The following LTBP1 variants were observed in gnomAD, a reference collection of about 807,000 sequenced individuals.
The protein encoded by LTBP1 is latent-transforming growth factor beta-binding protein 1.
Under a neutral mutation model 207.6 loss-of-function variants are expected in LTBP1, and 129 were observed. That is an observed-to-expected ratio of 0.62 (90% CI 0.54 to 0.72). LTBP1 has a LOEUF of 0.72. Among genes scored for constraint, LTBP1 ranks in the 30% least tolerant of loss-of-function variants. The pLI is 0.00. For synonymous variants in LTBP1, 963 were observed against 833.7 expected (o/e 1.16, Z -2.67); for missense variants, 2,281 against 2,217.2 (o/e 1.03, Z -0.58).
intron 2 of LTBP1, among the ~76,000 whole-genome samples, chr2:33,006,103 C>G (rs1335292731): frequency 6.6e-6 from 1 of 151,894 alleles, no homozygotes; most frequent in East Asian, 1.9e-4. Flanking sequence ...AAAATCAGTA[C>G]TAGGAATACA....
intron 2 of LTBP1, among the ~76,000 whole-genome samples, chr2:33,018,882 T>C (rs750333153): frequency 1.5e-4 from 23 of 152,178 alleles, no homozygotes; most frequent in Non-Finnish European, 2.5e-4. Context: ...TTTTTTTCTT[T>C]TAGAGAATCC....
intron 2 of LTBP1, among the ~76,000 whole-genome samples, chr2:32,975,583 GTTTTTTTTTTTTTTTTTTTTTTTTT>G (rs779168923): frequency 3.2e-4 from 10 of 31,360 alleles, no homozygotes; most frequent in Admixed American, 1.6e-3. Flanking sequence ...TTCATTCTTT[GTTTTTTTTTTTTTTTTTTTTTTTTT>G]TTTTTTTTTT....
In LTBP1 at chr2:33,397,296, G is replaced by A. The variant is rs2095367471; in HGVS notation, c.4984+14G>A. ...TGACCTGTGTCGGTAAGAATGACGT[G>A]TGTTTTATGGGACATTAATTTTTTC... is the stretch of plus-strand genomic sequence containing the variant. On this transcript the variant is annotated intron_variant, in intron 33 of 33. Transcript: ENST00000404816. 6.2e-7 allele frequency: 1 copy of A among 1,613,734 alleles called. No homozygotes were observed. Among genetic ancestry groups the A allele is most frequent in the Non-Finnish European group, 8.5e-7 (1 of 1,179,740 alleles).
intron 2 of LTBP1, among the ~76,000 whole-genome samples, chr2:32,955,041 G>GATT (rs1677858645): frequency 6.6e-6 from 1 of 152,186 alleles, no homozygotes; most frequent in Non-Finnish European, 1.5e-5. Flanking sequence ...TTAAAATGTT[G>GATT]AAAGTTGTTA....
intron 19 of LTBP1, among the ~76,000 whole-genome samples, chr2:33,289,689 C>T (rs563878331): frequency 1.3e-5 from 2 of 152,290 alleles, no homozygotes; most frequent in South Asian, 4.1e-4. Flanking sequence ...TTTATCAACA[C>T]TGTTTTTTAT....
At chr2:32,985,598 T>A (rs755609812) in intron 2 of LTBP1, among the ~76,000 whole-genome samples, 2 of 152,150 alleles carry the variant, frequency 1.3e-5, no homozygotes, top group Non-Finnish European at 2.9e-5. Flanking sequence ...TACAGATGAA[T>A]CAAATGCAGT....
rs113173832 is a variant in LTBP1, at chr2:33,361,534, C to G, written c.4270+19C>G. The G allele has an allele frequency of 4.2e-5, 66 of 1,570,012 alleles. 4 individuals carry two copies. In the African/African-American group the frequency reaches 4.6e-4, roughly 11 times the overall value. ...TATAAAGGTCAGAATCAAGTGGAAACAAATTTTCAGCACATTGTGTACATG... is the reference window on the plus strand; with the variant it reads ...TATAAAGGTCAGAATCAAGTGGAAAGAAATTTTCAGCACATTGTGTACATG... On this transcript the variant is annotated intron_variant, in intron 28 of 33. Coordinates refer to ENST00000404816, the MANE Select transcript of LTBP1 (RefSeq NM_206943.4).
chr2:33,117,631 C>A (rs2080826520), intron 4 of LTBP1, among the ~76,000 whole-genome samples: 1 of 152,180 alleles, frequency 6.6e-6, no homozygotes, highest in African/African-American at 2.4e-5. Flanking sequence ...CCAGCCACTT[C>A]AGGGAGGTGG....
At chr2:33,209,479 C>G (rs769523094) in intron 7 of LTBP1, among the ~76,000 whole-genome samples, 4 of 152,126 alleles carry the variant, frequency 2.6e-5, no homozygotes, top group Non-Finnish European at 5.9e-5. Flanking sequence ...TCAATATTTA[C>G]AAGTTGAATT....
At chr2:33,255,495 T>G (rs892954770) in intron 11 of LTBP1, among the ~76,000 whole-genome samples, 3 of 152,180 alleles carry the variant, frequency 2.0e-5, no homozygotes, top group African/African-American at 7.2e-5. Flanking sequence ...TATACCCAAA[T>G]GACTATAAAT....
chr2:33,008,330 A>T (rs903664890), intron 2 of LTBP1, among the ~76,000 whole-genome samples: 3 of 152,264 alleles, frequency 2.0e-5, no homozygotes, highest in African/African-American at 7.2e-5. Flanking sequence ...TCTGTCTCAC[A>T]TATTGTTTAG....
intron 5 of LTBP1, among the ~76,000 whole-genome samples, chr2:33,159,972 C>A (rs2084316855): frequency 6.6e-6 from 1 of 152,026 alleles, no homozygotes; most frequent in Non-Finnish European, 1.5e-5. Flanking sequence ...ACCTCTGCCT[C>A]CCGGGCTCAA....
chr2:33,269,131 A>G (rs2093257446), intron 15 of LTBP1, among the ~76,000 whole-genome samples: 1 of 152,264 alleles, frequency 6.6e-6, no homozygotes, highest in East Asian at 1.9e-4. Context: ...TCATTCATTC[A>G]TTCAGGGAAT....
chr2:33,382,784 T>C (rs1331531255), intron 31 of LTBP1, among the ~76,000 whole-genome samples: 1 of 152,206 alleles, frequency 6.6e-6, no homozygotes. Flanking sequence ...AGTCTTTGGA[T>C]TCCAGGTGTT....
chr2:33,153,437 A>G (rs1231358911), intron 5 of LTBP1, among the ~76,000 whole-genome samples: 1 of 152,196 alleles, frequency 6.6e-6, no homozygotes, highest in Non-Finnish European at 1.5e-5. Flanking sequence ...GGTTGGGCCA[A>G]TAAGGCTGCA....
At chr2:33,230,864 A>T (rs1012734662) in intron 9 of LTBP1, among the ~76,000 whole-genome samples, 1 of 152,236 alleles carries the variant, frequency 6.6e-6, no homozygotes, top group Non-Finnish European at 1.5e-5. Flanking sequence ...GATAAAATCA[A>T]CTTAGTATTA....
At chr2:32,975,583 GTTTTTTTTTTTTTTTTTTTTTTTTTT>G (rs779168923) in intron 2 of LTBP1, among the ~76,000 whole-genome samples, 18 of 31,360 alleles carry the variant, frequency 5.7e-4, no homozygotes, top group African/African-American at 1.9e-3. Flanking sequence ...TTCATTCTTT[GTTTTTTTTTTTTTTTTTTTTTTTTTT>G]TTTTTTTTTT....
Position 33,280,119 on chromosome 2 carries a change from T to A in LTBP1, c.3073T>A (p.Cys1025Ser). The A allele has an allele frequency of 6.2e-7, 1 of 1,614,112 alleles. No homozygotes were observed. The highest frequency in any genetic ancestry group is 1.7e-5 in the Admixed American group (1 of 60,026). Reference protein sequence around the residue: ...NSPGSYQCVPCTEGFRGWNGQ... With the variant: ...NSPGSYQCVPSTEGFRGWNGQ... The stretch of plus-strand genomic sequence containing the variant: ...TCCTGGATCTTACCAGTGCGTTCCC[T>A]GCACAGAAGGATTCCGAGGCTGGAA... The change falls in exon 19 of 34, where the codon TGC becomes AGC. Residue 1025 changes from cysteine to serine, a missense_variant. Cys to Ser is a moderately radical substitution (Grantham distance 112, BLOSUM62 -1). Transcript: ENST00000404816.
In LTBP1 at chr2:32,947,540, C is replaced by G; in HGVS notation, c.216C>G (p.Pro72=). 7.2e-7 allele frequency: 1 copy of G among 1,387,746 alleles called. No homozygotes were observed. Among genetic ancestry groups the G allele is most frequent in the Non-Finnish European group, 9.3e-7 (1 of 1,072,988 alleles). The allele number at this position is 1,387,746 out of a possible 1,614,324, so 86.0% of individuals were successfully genotyped here. A position where few individuals can be genotyped will look rare whatever the true frequency, so the allele number is the denominator to read the frequency against. Residue 72 remains proline, a synonymous_variant, in exon 1 of 34, where the codon CCC becomes CCG. Coordinates refer to ENST00000404816, the MANE Select transcript of LTBP1 (RefSeq NM_206943.4). ...YSRSSAAAGA[P]SRASPGVPSE... ...GCAGCTCGGCGGCTGCCGGCGCCCC[C>G]AGCCGTGCCTCCCCCGGGGTCCCCT...
Sources: allele counts gnomAD v4.1 joint callset (sites outside exome capture counted in the v4.1 genomes callset), GRCh38; gene constraint gnomAD v4.1.1; transcripts MANE v1.5; gene names NCBI Gene and HGNC (gene_info 2026-07-23, HGNC 2026-07-21).